Variants in CLSTN2 observed in about 807,000 individuals in gnomAD.
The protein encoded by CLSTN2 is calsyntenin 2, also known as calsyntenin-2.
CLSTN2 carries 48 observed loss-of-function variants against 101.2 expected under a neutral mutation model. The ratio of observed to expected loss-of-function variants is 0.47; its 90% confidence interval spans 0.38 to 0.60. The LOEUF (loss-of-function observed/expected upper bound fraction) is 0.60. Among genes scored for constraint, CLSTN2 ranks in the 20% least tolerant of loss-of-function variants. The pLI is 0.00. For missense variants in CLSTN2, 1,160 were observed against 1,238.2 expected (o/e 0.94, Z 0.95); for synonymous variants, 481 against 463.6 (o/e 1.04, Z -0.48).
intron 1 of CLSTN2, among the ~76,000 whole-genome samples, chr3:140,066,230 T>C (rs533015144): frequency 0.012 from 1,900 of 152,330 alleles, 37 homozygotes; most frequent in African/African-American, 0.042. Flanking sequence ...TCAGTGTCTG[T>C]GGAGCCCCCA....
intron 2 of CLSTN2, among the ~76,000 whole-genome samples, chr3:140,246,381 T>C (rs1034155592): frequency 9.9e-5 from 15 of 152,120 alleles, no homozygotes; most frequent in African/African-American, 3.1e-4. Flanking sequence ...TTTACTACCA[T>C]GGGTCCAAAG....
chr3:140,317,945 A>G (rs2087244754), intron 2 of CLSTN2, among the ~76,000 whole-genome samples: 1 of 152,204 alleles, frequency 6.6e-6, no homozygotes, highest in African/African-American at 2.4e-5. Context: ...GCAGTGCATC[A>G]TATCAATAGT....
intron 10 of CLSTN2, among the ~76,000 whole-genome samples, chr3:140,547,653 A>G (rs1240583427): frequency 6.6e-6 from 1 of 152,026 alleles, no homozygotes; most frequent in Non-Finnish European, 1.5e-5. Context: ...GCAGGGAGGG[A>G]TGTGACAGAC....
chr3:140,432,528 G>A (rs1294864937), intron 5 of CLSTN2, among the ~76,000 whole-genome samples: 1 of 152,234 alleles, frequency 6.6e-6, no homozygotes, highest in Non-Finnish European at 1.5e-5. Context: ...CTGGCAAGCA[G>A]CTGAGCTTCT....
intron 2 of CLSTN2, among the ~76,000 whole-genome samples, chr3:140,331,122 G>A (rs534942085): frequency 1.3e-5 from 2 of 152,312 alleles, no homozygotes; most frequent in African/African-American, 4.8e-5. Context: ...GTCTGAGGCT[G>A]AAGTACTGAG....
intron 2 of CLSTN2, among the ~76,000 whole-genome samples, chr3:140,206,939 G>A (rs2010792031): frequency 6.6e-6 from 1 of 152,164 alleles, no homozygotes; most frequent in Non-Finnish European, 1.5e-5. Context: ...ATTCCCATGA[G>A]GGATCAGAAC....
intron 1 of CLSTN2, among the ~76,000 whole-genome samples, chr3:140,101,125 A>C (rs1382599716): frequency 6.6e-6 from 1 of 152,072 alleles, no homozygotes; most frequent in Non-Finnish European, 1.5e-5. Flanking sequence ...TTATTTGTAA[A>C]ATGTGGTTGA....
intron 1 of CLSTN2, among the ~76,000 whole-genome samples, chr3:140,060,176 A>G (rs1011102209): frequency 6.6e-6 from 1 of 152,224 alleles, no homozygotes; most frequent in African/African-American, 2.4e-5. Flanking sequence ...TTGCATCGTT[A>G]TGCCTTTGTT....
chr3:140,190,253 C>T (rs1484330377), intron 2 of CLSTN2, among the ~76,000 whole-genome samples: 1 of 152,066 alleles, frequency 6.6e-6, no homozygotes, highest in Non-Finnish European at 1.5e-5. Context: ...TCTGGATTCT[C>T]TTCTCTCATC....
intron 2 of CLSTN2, among the ~76,000 whole-genome samples, chr3:140,200,596 T>G (rs1377873207): frequency 6.6e-6 from 1 of 152,206 alleles, no homozygotes; most frequent in Admixed American, 6.5e-5. Context: ...AAGGCTATAT[T>G]GACACGCACA....
At chr3:140,330,217 G>A (rs541453506) in intron 2 of CLSTN2, among the ~76,000 whole-genome samples, 76 of 152,294 alleles carry the variant, frequency 5.0e-4, no homozygotes, top group Non-Finnish European at 7.5e-4. Flanking sequence ...GATACTTGTC[G>A]TGCTCCATGT....
intron 1 of CLSTN2, among the ~76,000 whole-genome samples, chr3:139,961,223 G>A (rs927121182): frequency 9.2e-5 from 14 of 152,140 alleles, no homozygotes; most frequent in Non-Finnish European, 1.9e-4. Flanking sequence ...CGGGTCCGAA[G>A]TATCACATCC....
chr3:140,562,819 T>A lies in CLSTN2; in HGVS notation c.2221T>A (p.Ser741Thr), dbSNP rs750629124. ...GTGGTCTCTTGGCACAGGTGTGGGC[T>A]CCATGAGCCGCTATGAGCAGGTGCT... ...TAGYSIYGVG[S>T]MSRYEQVLHH... Residue 741 changes from serine to threonine, a missense_variant, in exon 14 of 17, where the codon TCC becomes ACC. Physicochemically the swap from Ser to Thr is moderately conservative, Grantham distance 58. Transcript: ENST00000458420. 1.9e-6 allele frequency: 3 copies of A among 1,613,892 alleles called. No individual in the cohort carries two copies. In the Admixed American group the frequency reaches 5.0e-5, roughly 27 times the overall value.
At chr3:140,325,756 C>T (rs2087326611) in intron 2 of CLSTN2, among the ~76,000 whole-genome samples, 1 of 152,170 alleles carries the variant, frequency 6.6e-6, no homozygotes, top group Non-Finnish European at 1.5e-5. Context: ...ACCTTTGCCT[C>T]TTAAAAAGTT....
intron 4 of CLSTN2, among the ~76,000 whole-genome samples, chr3:140,410,564 T>C (rs1328663651): frequency 6.6e-6 from 1 of 151,784 alleles, no homozygotes; most frequent in Non-Finnish European, 1.5e-5. Context: ...TAAGGGGAGT[T>C]TTTCAAGCTG....
intron 1 of CLSTN2, among the ~76,000 whole-genome samples, chr3:140,063,920 T>C (rs2008254425): frequency 6.6e-6 from 1 of 152,204 alleles, no homozygotes; most frequent in South Asian, 2.1e-4. Context: ...TCTGGACAAG[T>C]CTAACAGTGA....
intron 1 of CLSTN2, among the ~76,000 whole-genome samples, chr3:140,061,625 C>G (rs575271936): frequency 6.6e-6 from 1 of 152,222 alleles, no homozygotes; most frequent in Non-Finnish European, 1.5e-5. Context: ...AGTTACTTTC[C>G]TATCATAACT....
chr3:140,130,508 C>T (rs770423959), intron 1 of CLSTN2, among the ~76,000 whole-genome samples: 3 of 152,186 alleles, frequency 2.0e-5, no homozygotes, highest in Admixed American at 6.5e-5. Context: ...AACATTCATG[C>T]TTTTCCTCAT....
chr3:140,110,518 T>G (rs932233222), intron 1 of CLSTN2, among the ~76,000 whole-genome samples: 1 of 152,222 alleles, frequency 6.6e-6, no homozygotes, highest in Non-Finnish European at 1.5e-5. Context: ...CACTTTGCTA[T>G]TCCTTCAAAA....
Sources: allele counts gnomAD v4.1 joint callset (sites outside exome capture counted in the v4.1 genomes callset), GRCh38; gene constraint gnomAD v4.1.1; transcripts MANE v1.5; gene names NCBI Gene and HGNC (gene_info 2026-07-23, HGNC 2026-07-21).